Variants in HS3ST4 observed in about 807,000 individuals in gnomAD.
HS3ST4 encodes the protein heparan sulfate glucosamine 3-O-sulfotransferase 4.
HS3ST4 carries 17 observed loss-of-function variants against 29.2 expected under a neutral mutation model. The ratio of observed to expected loss-of-function variants is 0.58; its 90% confidence interval spans 0.40 to 0.87. The LOEUF (loss-of-function observed/expected upper bound fraction) is 0.87, where lower values mean the gene tolerates loss of function less well. Ranked by LOEUF, HS3ST4 falls within the 40% of genes least tolerant of loss-of-function variation. The pLI, the probability that HS3ST4 is intolerant of heterozygous loss-of-function variation, is 0.00. For synonymous variants in HS3ST4, 314 were observed against 285.7 expected, an observed-to-expected ratio of 1.10 and a Z score of -1.00; for missense variants, 627 against 634.5, an observed-to-expected ratio of 0.99 and a Z score of 0.13.
intron 1 of HS3ST4, among the ~76,000 whole-genome samples, chr16:25,748,496 T>TA (rs1966699079): frequency 6.6e-6 from 1 of 152,144 alleles, no homozygotes; most frequent in African/African-American, 2.4e-5. Flanking sequence ...ATGCAAACAT[T>TA]AAGAATTCCT....
rs1967674238 is a variant in HS3ST4, at chr16:25,864,577, G to A, written c.734+171426G>A. Among the ~76,000 whole-genome samples, 3 of 151,990 alleles carry A rather than the reference G, an allele frequency of 2.0e-5. No individual in the cohort carries two copies. The South Asian group carries it at 6.2e-4, about 32-fold the overall frequency. On this transcript the variant is annotated intron_variant, in intron 1 of 1. Coordinates refer to ENST00000331351, the MANE Select transcript of HS3ST4 (RefSeq NM_006040.3). ...TCCCACTCCCTTTCCCCTGGGAACT[G>A]CCACTCTACTCTCCTCTTCTATGGG... is the stretch of plus-strand genomic sequence containing the variant.
intron 1 of HS3ST4, among the ~76,000 whole-genome samples, chr16:25,887,166 A>G (rs1307898458): frequency 6.6e-6 from 1 of 152,182 alleles, no homozygotes; most frequent in African/African-American, 2.4e-5. Context: ...AGGAATGTCC[A>G]CTGAAGGAGT....
intron 1 of HS3ST4, among the ~76,000 whole-genome samples, chr16:26,077,426 C>T (rs1431230318): frequency 6.6e-6 from 1 of 152,234 alleles, no homozygotes; most frequent in African/African-American, 2.4e-5. Flanking sequence ...CTCTCTGCCC[C>T]TGTCTTTCAG....
intron 1 of HS3ST4, among the ~76,000 whole-genome samples, chr16:25,887,425 G>A (rs755057719): frequency 9.9e-5 from 15 of 152,066 alleles, no homozygotes; most frequent in African/African-American, 2.4e-4. Context: ...CTAGGAAGGC[G>A]GAGTATTTTA....
chr16:26,062,136 C>T (rs1030753788), intron 1 of HS3ST4, among the ~76,000 whole-genome samples: 1 of 152,174 alleles, frequency 6.6e-6, no homozygotes, highest in Admixed American at 6.5e-5. Flanking sequence ...TAAAACAGCA[C>T]ATGCCCATTA....
intron 1 of HS3ST4, among the ~76,000 whole-genome samples, chr16:26,058,593 A>G (rs1212789518): frequency 2.0e-5 from 3 of 152,146 alleles, no homozygotes; most frequent in Non-Finnish European, 4.4e-5. Flanking sequence ...TTTCCTGTCC[A>G]TCATGTCTTG....
intron 1 of HS3ST4, among the ~76,000 whole-genome samples, chr16:25,707,726 A>G (rs895892956): frequency 6.6e-6 from 1 of 152,136 alleles, no homozygotes; most frequent in Non-Finnish European, 1.5e-5. Context: ...CCTCTGCTTG[A>G]GCTTTGCTAG....
At chr16:25,700,194 G>T (rs1966325465) in intron 1 of HS3ST4, among the ~76,000 whole-genome samples, 1 of 152,050 alleles carries the variant, frequency 6.6e-6, no homozygotes. Flanking sequence ...GCTGAAGGAG[G>T]AAAAAAAGTA....
chr16:25,842,596 CTTTG>C (rs758895973), intron 1 of HS3ST4, among the ~76,000 whole-genome samples: 12 of 152,090 alleles, frequency 7.9e-5, no homozygotes, highest in African/African-American at 2.9e-4. Flanking sequence ...TGAAATCTTT[CTTTG>C]TTTTTGTGTT....
intron 1 of HS3ST4, among the ~76,000 whole-genome samples, chr16:26,013,193 C>CA (rs1296404756): frequency 1.9e-4 from 29 of 151,450 alleles, no homozygotes; most frequent in South Asian, 4.2e-4. Flanking sequence ...AAAATAAAAA[C>CA]AAAAAAAACA....
In HS3ST4 at chr16:25,799,673, T is replaced by C. The variant is rs952896248; in HGVS notation, c.734+106522T>C. Among the ~76,000 whole-genome samples the C allele has an allele frequency of 4.6e-4, 70 of 152,324 alleles. 1 individual carries two copies. The highest frequency in any genetic ancestry group is 7.5e-4 in the Non-Finnish European group (51 of 68,028). ...GTGGTCTTGGGCATATGATTGAGAC[T>C]CTCACATGTTTCCTCATCTGTAAAA... On this transcript the variant is annotated intron_variant, in intron 1 of 1. Coordinates refer to ENST00000331351, the MANE Select transcript of HS3ST4 (RefSeq NM_006040.3).
At chr16:25,734,321 C>T (rs368434551) in intron 1 of HS3ST4, among the ~76,000 whole-genome samples, 3 of 152,194 alleles carry the variant, frequency 2.0e-5, no homozygotes, top group Non-Finnish European at 4.4e-5. Context: ...ATGTGCCAAA[C>T]GCATCCATCT....
chr16:25,772,917 A>C (rs911329040), intron 1 of HS3ST4, among the ~76,000 whole-genome samples: 4 of 152,222 alleles, frequency 2.6e-5, no homozygotes, highest in Non-Finnish European at 5.9e-5. Flanking sequence ...CCAAGGTTGA[A>C]GATGCCACGT....
intron 1 of HS3ST4, among the ~76,000 whole-genome samples, chr16:25,862,847 T>C (rs533963395): frequency 6.6e-6 from 1 of 152,382 alleles, no homozygotes; most frequent in East Asian, 1.9e-4. Flanking sequence ...CAATGAATAA[T>C]GCTACTCTTT....
At position 26,137,494 on chromosome 16, in the gene HS3ST4, A is replaced by G. The variant is rs141492623; in HGVS notation, c.*1246A>G. 4.7e-4 allele frequency: 72 copies of G among 152,298 alleles called. No homozygotes were observed. The highest frequency in any genetic ancestry group is 1.5e-3 in the African/African-American group (62 of 41,578). 9.4% of individuals were successfully genotyped at this position (152,298 alleles called of 1,614,324 possible). A position where few individuals can be genotyped will look rare whatever the true frequency, so the allele number is the denominator to read the frequency against. On this transcript the variant is annotated 3_prime_UTR_variant, in exon 2 of 2. Coordinates refer to ENST00000331351, the MANE Select transcript of HS3ST4 (RefSeq NM_006040.3). The stretch of plus-strand genomic sequence containing the variant: ...GCTGCTGAATGAAGTGTCCCTTCCC[A>G]TCAGTTTGATTCAATTAAAATGCAT...
rs1596575279 is a variant in HS3ST4 at position 25,802,318 on chromosome 16, A to C, written c.734+109167A>C. ...GGTGCAGTTCAAACCTTTTATCTAA[A>C]TTTGTTTATTGAATGTTATTCTTTT... On this transcript the variant is annotated intron_variant, in intron 1 of 1. Transcript: ENST00000331351. 2.6e-5 allele frequency among the ~76,000 whole-genome samples: 4 copies of C among 152,224 alleles called. No homozygotes were observed. In the East Asian group the frequency reaches 7.7e-4, roughly 29 times the overall value.
At chr16:25,742,193 G>A (rs867598720) in intron 1 of HS3ST4, among the ~76,000 whole-genome samples, 3 of 152,120 alleles carry the variant, frequency 2.0e-5, no homozygotes, top group African/African-American at 7.2e-5. Context: ...CTGCCAAACC[G>A]GCGCCTTGAC....
At chr16:25,886,712 T>G (rs1967957556) in intron 1 of HS3ST4, 1 of 152,168 alleles carries the variant, frequency 6.6e-6, no homozygotes, top group Non-Finnish European at 1.5e-5. Context: ...GCATGGCCTA[T>G]TTTAGGGGAA....
rs537129194 is a variant in HS3ST4, at chr16:25,841,742, C to T, written c.734+148591C>T. 3.9e-5 allele frequency among the ~76,000 whole-genome samples: 6 copies of T among 152,238 alleles called. No homozygotes were observed. The South Asian group carries it at 1.2e-3, about 32-fold the overall frequency. The stretch of plus-strand genomic sequence containing the variant: ...AATTGTCTTCCAGTCTATGAGTTTC[C>T]AATGAATATGGCATAATGGGAACTA... On this transcript the variant is annotated intron_variant, in intron 1 of 1. Transcript: ENST00000331351.
Sources: gnomAD v4.1 joint callset for allele counts (sites outside exome capture counted in the v4.1 genomes callset) on GRCh38, gnomAD v4.1.1 for gene constraint, MANE v1.5 for transcripts, NCBI Gene and HGNC (gene_info 2026-07-23, HGNC 2026-07-21) for gene names.